The following OARD1 variants were observed in gnomAD, a reference collection of about 807,000 sequenced individuals.
The protein encoded by OARD1 is O-acyl-ADP-ribose deacylase 1.
A neutral mutation model predicts 19.7 loss-of-function variants in OARD1; 19 were observed. The ratio of observed to expected loss-of-function variants is 0.96; its 90% CI spans 0.67 to 1.41. The LOEUF is 1.41. Among genes scored for constraint, OARD1 ranks in the 40% most tolerant of loss-of-function variants. The probability of loss-of-function intolerance (pLI) is 0.00; values close to 1 mark genes in which losing one functional copy is unlikely to be tolerated. For synonymous variants in OARD1, 70 were observed against 61.8 expected, an observed-to-expected ratio of 1.13 and a Z score of -0.62; for missense variants, 190 against 183.8, an observed-to-expected ratio of 1.03 and a Z score of -0.20.
chr6:41,077,580 C>T (rs1763776805), upstream of OARD1, among the ~76,000 whole-genome samples: 1 of 152,124 alleles, frequency 6.6e-6, no homozygotes, highest in African/African-American at 2.4e-5. Context: ...TTAGGGAAGC[C>T]TGTTAGTGCC....
intron 1 of OARD1, among the ~76,000 whole-genome samples, chr6:41,084,929 C>T (rs896169261): frequency 6.6e-6 from 1 of 152,116 alleles, no homozygotes; most frequent in Non-Finnish European, 1.5e-5. Flanking sequence ...CCACTGCACT[C>T]CAGGCTGGGC....
At chr6:41,086,021 C>G (rs1764033841) in intron 1 of OARD1, among the ~76,000 whole-genome samples, 1 of 152,190 alleles carries the variant, frequency 6.6e-6, no homozygotes, top group African/African-American at 2.4e-5. Flanking sequence ...TCACATTTCT[C>G]TTTGCATAAA....
chr6:41,082,041 CCTA>C (rs1264491120), intron 1 of OARD1, among the ~76,000 whole-genome samples: 5 of 152,010 alleles, frequency 3.3e-5, no homozygotes, highest in African/African-American at 1.2e-4. Context: ...ATTTGGGTAC[CCTA>C]CTTTTTCCCT....
At chr6:41,080,939 C>T in intron 1 of OARD1, 1 of 1,479,142 alleles carries the variant, frequency 6.8e-7, no homozygotes, top group East Asian at 2.3e-5. Flanking sequence ...GCATGAACTT[C>T]TCCTCTCCTC....
chr6:41,065,660 A>AC lies in OARD1; in HGVS notation c.*1674dup, dbSNP rs1459437944. ...ACAACATGAAGAACTTGTCTGTTCC[A>AC]CCTAGAAATACAAAAGTGAAATACT... On this transcript the variant is annotated 3_prime_UTR_variant, in exon 6 of 6. Transcript: ENST00000424266. 1 of 152,192 alleles carries AC rather than the reference A, an allele frequency of 6.6e-6. No homozygotes were observed. The highest frequency in any genetic ancestry group is 1.9e-4 in the East Asian group (1 of 5,192). The allele number at this position is 152,192 out of a possible 1,614,324, so 9.4% of individuals were successfully genotyped here.
intron 1 of OARD1, chr6:41,084,007 C>A: frequency 6.5e-7 from 1 of 1,548,596 alleles, no homozygotes; most frequent in Non-Finnish European, 8.7e-7. Flanking sequence ...CATTTTGTGT[C>A]TTATGTTATT....
chr6:41,071,272 G>A lies in OARD1; in HGVS notation c.44C>T (p.Thr15Ile), dbSNP rs372599869. The change falls in exon 3 of 6, where the codon ACT (threonine) becomes ATT (isoleucine). Residue 15 changes from threonine to isoleucine, a missense_variant. Transcript: ENST00000424266. ...TGCAAAAAGGTCTCCTTTCACATAA[G>A]TGATCTAAAAAATGTGCAAAGGAAA... Reference protein sequence around the residue: ...LNEDPEGSRITYVKGDLFACP... With the variant: ...LNEDPEGSRIIYVKGDLFACP... 6.2e-6 allele frequency: 10 copies of A among 1,613,176 alleles called. No homozygotes were observed. In the African/African-American group the frequency reaches 1.1e-4, roughly 17 times the overall value.
intron 1 of OARD1, among the ~76,000 whole-genome samples, chr6:41,084,832 C>CA (rs1175426218): frequency 1.9e-4 from 29 of 152,058 alleles, no homozygotes; most frequent in African/African-American, 6.8e-4. Context: ...CGTGGTGGCA[C>CA]GCACCTGTAA....
At chr6:41,078,477 T>A (rs1265151145) in intron 1 of OARD1, among the ~76,000 whole-genome samples, 2 of 135,266 alleles carry the variant, frequency 1.5e-5, no homozygotes, top group African/African-American at 6.2e-5. Context: ...TGCCGATTGC[T>A]AACTTATATC....
At chr6:41,097,436 C>T in intron 1 of OARD1, 1 of 1,611,446 alleles carries the variant, frequency 6.2e-7, no homozygotes, top group South Asian at 1.1e-5. Flanking sequence ...TGGAGCTGAT[C>T]AAGGTCATGT....
chr6:41,092,844 G>T, intron 1 of OARD1: 2 of 1,496,684 alleles, frequency 1.3e-6, no homozygotes, highest in Non-Finnish European at 9.0e-7. Context: ...GGATGAAGAG[G>T]AACCAAGAAA....
At chr6:41,077,370 C>T (rs1763768000), upstream of OARD1, among the ~76,000 whole-genome samples, 1 of 152,162 alleles carries the variant, frequency 6.6e-6, no homozygotes, top group Non-Finnish European at 1.5e-5. Flanking sequence ...CCTAAGGCTC[C>T]ATGCCAGTCA....
upstream of OARD1, chr6:41,072,743 G>A (rs1353918054): frequency 6.5e-6 from 1 of 152,880 alleles, no homozygotes; most frequent in East Asian, 1.9e-4. Flanking sequence ...GCTCAAGGCA[G>A]CGTTTTGAGT....
At chr6:41,071,973 G>C in intron 1 of OARD1, 1 of 355,520 alleles carries the variant, frequency 2.8e-6, no homozygotes, top group South Asian at 4.1e-5. Context: ...CCACTCCGGA[G>C]CAAGGCCGAT....
intron 4 of OARD1, chr6:41,069,682 G>C (rs1763220435): frequency 4.0e-6 from 1 of 248,900 alleles, no homozygotes; most frequent in South Asian, 4.5e-5. Flanking sequence ...TCACCCCCTT[G>C]CTATCAGTGT....
chr6:41,066,033 G>C lies in OARD1; in HGVS notation c.*1302C>G, dbSNP rs1318207096. On this transcript the variant is annotated 3_prime_UTR_variant, in exon 6 of 6. Transcript: ENST00000424266. ...ACGACTGGTCTTTGCAGCTTCGGAA[G>C]AAAAGAGGACTAATATTTAGACCCC... 1 of 152,232 alleles carries C rather than the reference G, an allele frequency of 6.6e-6. No individual in the cohort carries two copies. The highest frequency in any genetic ancestry group is 2.1e-4 in the South Asian group (1 of 4,836). 9.4% of individuals were successfully genotyped at this position (152,232 alleles called of 1,614,324 possible). A position where few individuals can be genotyped will look rare whatever the true frequency, so the allele number is the denominator to read the frequency against.
chr6:41,084,001 T>C lies in OARD1; in HGVS notation c.-41-12326A>G, dbSNP rs140705580. ...TGATTGTCTTTTGGTAAAAACCATT[T>C]TGTGTCTTATGTTATTTCATTGTTC... On this transcript the variant is annotated intron_variant, in intron 1 of 4. Coordinates refer to the OARD1 transcript ENST00000480585. 1.8e-4 allele frequency: 271 copies of C among 1,526,694 alleles called. 1 individual carries two copies. In the East Asian group the frequency reaches 5.1e-3, roughly 29 times the overall value. The allele number at this position is 1,526,694 out of a possible 1,614,324, so 94.6% of individuals were successfully genotyped here.
At chr6:41,088,423 C>CAAAAA (rs34590854) in intron 1 of OARD1, among the ~76,000 whole-genome samples, 511 of 64,392 alleles carry the variant, frequency 7.9e-3, no homozygotes, top group African/African-American at 0.01. Context: ...ACTCCGTCTC[C>CAAAAA]AAAAAAAAAA....
chr6:41,070,630 C>T (rs1561843681), intron 3 of OARD1, among the ~76,000 whole-genome samples: 2 of 152,116 alleles, frequency 1.3e-5, no homozygotes, highest in Non-Finnish European at 2.9e-5. Flanking sequence ...GTAAGAATTG[C>T]TTTTGTCTAA....
Sources: allele counts gnomAD v4.1 joint callset (sites outside exome capture counted in the v4.1 genomes callset), GRCh38; gene constraint gnomAD v4.1.1; transcripts MANE v1.5; gene names NCBI Gene and HGNC (gene_info 2026-07-23, HGNC 2026-07-21).